The following EPB41L4A variants were observed in gnomAD, a reference collection of about 807,000 sequenced individuals.
The protein encoded by EPB41L4A is erythrocyte membrane protein band 4.1 like 4A.
Under a neutral mutation model 108.6 loss-of-function variants are expected in EPB41L4A, and 100 were observed. The observed-to-expected ratio is 0.92, with a 90% CI of 0.78 to 1.09. The LOEUF is 1.09. Ranked by LOEUF, EPB41L4A falls within the 50% of genes least tolerant of loss-of-function variation. EPB41L4A has a pLI of 0.00. For synonymous variants in EPB41L4A, 319 were observed against 289.0 expected (o/e 1.10, Z -1.05); for missense variants, 1,030 against 842.7 (o/e 1.22, Z -2.75).
In EPB41L4A at chr5:112,239,752, A is replaced by G. The variant is rs200800811; in HGVS notation, c.888-15T>C. 1.9e-6 allele frequency: 3 copies of G among 1,583,012 alleles called. No homozygotes were observed. Among genetic ancestry groups the G allele is most frequent in the African/African-American group, 2.7e-5 (2 of 74,174 alleles). ...TTTCTGGCATTCTAATCAATTTTTA[A>G]AAGAAAATCAGACAAAGACTCAATG... On this transcript the variant is annotated splice_polypyrimidine_tract_variant and intron_variant, in intron 10 of 22. Transcript: ENST00000261486.
chr5:112,257,773 A>G (rs1751212758), intron 9 of EPB41L4A, among the ~76,000 whole-genome samples: 1 of 152,208 alleles, frequency 6.6e-6, no homozygotes. Context: ...TGCTAAAAAA[A>G]CTTGAAACAT....
intron 1 of EPB41L4A, among the ~76,000 whole-genome samples, chr5:112,322,699 GAC>G (rs111502535): frequency 0.027 from 3,930 of 145,346 alleles, 67 homozygotes; most frequent in African/African-American, 0.051. Flanking sequence ...TCCACTATGA[GAC>G]ACACACACAC....
intron 7 of EPB41L4A, among the ~76,000 whole-genome samples, chr5:112,260,397 C>T (rs921297177): frequency 3.3e-5 from 5 of 152,194 alleles, no homozygotes; most frequent in African/African-American, 1.2e-4. Context: ...AGAAAAAACA[C>T]AGGACTCCCA....
At chr5:112,288,831 CT>C (rs543886138) in intron 2 of EPB41L4A, among the ~76,000 whole-genome samples, 2,131 of 143,182 alleles carry the variant, frequency 0.015, 41 homozygotes, top group African/African-American at 0.044. Flanking sequence ...GATGATATAT[CT>C]TTTTTTTTTT....
chr5:112,369,752 C>T (rs1759365667), intron 1 of EPB41L4A, among the ~76,000 whole-genome samples: 1 of 152,138 alleles, frequency 6.6e-6, no homozygotes, highest in Non-Finnish European at 1.5e-5. Flanking sequence ...CCCCTACCTT[C>T]CTGGGTGATA....
intron 12 of EPB41L4A, among the ~76,000 whole-genome samples, chr5:112,219,101 C>T (rs1747856589): frequency 6.6e-6 from 1 of 152,164 alleles, no homozygotes; most frequent in Non-Finnish European, 1.5e-5. Flanking sequence ...TTCTACTTCA[C>T]CTACAAAATT....
At chr5:112,348,840 T>G (rs1182449197) in intron 1 of EPB41L4A, among the ~76,000 whole-genome samples, 1 of 152,226 alleles carries the variant, frequency 6.6e-6, no homozygotes, top group African/African-American at 2.4e-5. Context: ...CCCATCCCAT[T>G]CAATACTGTT....
chr5:112,170,444 G>A, intron 19 of EPB41L4A, 75 bp from the exon 20 acceptor site: 1 of 954,772 alleles, frequency 1.0e-6, no homozygotes, highest in Non-Finnish European at 1.6e-6. Context: ...ATCGGCAGGT[G>A]AGTTTTCCCT....
intron 12 of EPB41L4A, among the ~76,000 whole-genome samples, chr5:112,230,545 A>G (rs1182524723): frequency 2.0e-5 from 3 of 152,114 alleles, no homozygotes; most frequent in Non-Finnish European, 4.4e-5. Flanking sequence ...AGAACTGTCT[A>G]TTCGTGTCCT....
chr5:112,333,453 GAGA>G (rs1235529484), intron 1 of EPB41L4A, among the ~76,000 whole-genome samples: 2 of 152,186 alleles, frequency 1.3e-5, no homozygotes, highest in South Asian at 2.1e-4. Flanking sequence ...CAAGCCCCAG[GAGA>G]AGGAGTGTGT....
intron 1 of EPB41L4A, among the ~76,000 whole-genome samples, chr5:112,349,479 G>A (rs1580735031): frequency 6.6e-6 from 1 of 152,130 alleles, no homozygotes; most frequent in East Asian, 1.9e-4. Flanking sequence ...AGGATACCAG[G>A]GAGCTTAAAA....
chr5:112,359,266 T>C (rs1464377881), intron 1 of EPB41L4A, among the ~76,000 whole-genome samples: 1 of 152,210 alleles, frequency 6.6e-6, no homozygotes, highest in African/African-American at 2.4e-5. Context: ...CTTTCCCAAT[T>C]TCTCTAATAG....
intron 12 of EPB41L4A, among the ~76,000 whole-genome samples, chr5:112,146,262 A>G (rs1044663793): frequency 1.3e-5 from 2 of 152,310 alleles, no homozygotes; most frequent in Admixed American, 1.3e-4. Flanking sequence ...CATATTCTCA[A>G]TTTCAAGTTC....
chr5:112,377,552 T>C (rs936363177), intron 1 of EPB41L4A, among the ~76,000 whole-genome samples: 6 of 152,186 alleles, frequency 3.9e-5, no homozygotes, highest in African/African-American at 1.4e-4. Flanking sequence ...TACCATTTCA[T>C]CCATGATTCA....
At chr5:112,243,267 ATG>A (rs1395513878) in intron 9 of EPB41L4A, among the ~76,000 whole-genome samples, 1 of 117,446 alleles carries the variant, frequency 8.5e-6, no homozygotes, top group East Asian at 2.4e-4. Flanking sequence ...ACATATATAT[ATG>A]TGTGTGTATA....
intron 1 of EPB41L4A, among the ~76,000 whole-genome samples, chr5:112,339,112 T>C (rs771572290): frequency 2.0e-5 from 3 of 152,116 alleles, no homozygotes; most frequent in Non-Finnish European, 4.4e-5. Context: ...CGACTGGGTT[T>C]AGGTGCCAGC....
At chr5:112,356,153 T>C (rs976162074) in intron 1 of EPB41L4A, among the ~76,000 whole-genome samples, 22 of 152,224 alleles carry the variant, frequency 1.4e-4, no homozygotes, top group African/African-American at 5.3e-4. Flanking sequence ...GTACTCCACA[T>C]TGTGGGTAGA....
At chr5:112,307,287 G>C in intron 2 of EPB41L4A, 99 bp downstream of exon 2, 1 of 712,086 alleles carries the variant, frequency 1.4e-6, no homozygotes, top group East Asian at 2.6e-5. Context: ...GTCTTTTTCA[G>C]TGACAAAGAA....
intron 2 of EPB41L4A, among the ~76,000 whole-genome samples, chr5:112,281,583 T>A (rs1316800954): frequency 6.6e-6 from 1 of 152,168 alleles, no homozygotes; most frequent in African/African-American, 2.4e-5. Context: ...TTCCTCGTGC[T>A]CCTTAATGAA....
Sources: allele counts gnomAD v4.1 joint callset (sites outside exome capture counted in the v4.1 genomes callset), GRCh38; gene constraint gnomAD v4.1.1; transcripts MANE v1.5; gene names NCBI Gene and HGNC (gene_info 2026-07-23, HGNC 2026-07-21).